Variants in ATP6V0A4 observed in about 807,000 individuals in gnomAD.
The protein encoded by ATP6V0A4 is V-type proton ATPase 116 kDa subunit a 4.
In ATP6V0A4, 86 loss-of-function variants were observed where a neutral mutation model predicts 107.3. That is an observed-to-expected ratio of 0.80 (90% CI 0.67 to 0.96). The LOEUF (loss-of-function observed/expected upper bound fraction) is 0.96, where lower values mean the gene tolerates loss of function less well. Ranked by LOEUF, ATP6V0A4 falls within the 40% of genes least tolerant of loss-of-function variation. The pLI is 0.00. For synonymous variants in ATP6V0A4, 353 were observed against 381.4 expected (o/e 0.93, Z 0.87); for missense variants, 908 against 1,045.6 (o/e 0.87, Z 1.81).
At position 138,745,245 on chromosome 7, in the gene ATP6V0A4, G is replaced by T; in HGVS notation, c.1356C>A (p.Ile452=). The T allele has an allele frequency of 2.5e-6, 4 of 1,608,192 alleles. No individual in the cohort carries two copies. Among genetic ancestry groups the T allele is most frequent in the Non-Finnish European group, 3.4e-6 (4 of 1,177,574 alleles). ...AGATGGAGAAGATGCCCATAAGTAG[G>T]ATCAGATAGCGCCCGTGGAAGAAGG... is the stretch of plus-strand genomic sequence containing the variant. ...WNTFFHGRYL[I]LLMGIFSIYT... Residue 452 remains isoleucine, a synonymous_variant, in exon 14 of 22, where the codon ATC becomes ATA. Transcript: ENST00000310018.
chr7:138,768,915 GT>G, intron 4 of ATP6V0A4, 41 bp from the exon 5 acceptor site: 1 of 1,612,104 alleles, frequency 6.2e-7, no homozygotes. Flanking sequence ...AGGTGATTGT[GT>G]TTTCTCATAA....
chr7:138,753,073 T>G (rs1041356454), intron 10 of ATP6V0A4, among the ~76,000 whole-genome samples: 4 of 152,230 alleles, frequency 2.6e-5, no homozygotes, highest in Admixed American at 2.6e-4. Context: ...ATTGTCCTAT[T>G]GTTATGGGTT....
chr7:138,732,396 A>G (rs1299059635), intron 17 of ATP6V0A4, among the ~76,000 whole-genome samples: 2 of 152,066 alleles, frequency 1.3e-5, no homozygotes, highest in Non-Finnish European at 2.9e-5. Context: ...CAGTGCTTGC[A>G]CCTTCATTTA....
intron 1 of ATP6V0A4, among the ~76,000 whole-genome samples, chr7:138,790,262 A>G (rs1391101427): frequency 6.6e-6 from 1 of 152,122 alleles, no homozygotes; most frequent in Non-Finnish European, 1.5e-5. Flanking sequence ...CCAAGTGATT[A>G]AATGGTACCC....
chr7:138,727,515 G>A (rs1279102793), intron 18 of ATP6V0A4, among the ~76,000 whole-genome samples: 2 of 152,088 alleles, frequency 1.3e-5, no homozygotes, highest in African/African-American at 2.4e-5. Context: ...GCTTTGGAAC[G>A]AGTTCGGACT....
At chr7:138,732,016 G>A (rs907696536) in intron 17 of ATP6V0A4, among the ~76,000 whole-genome samples, 1 of 152,122 alleles carries the variant, frequency 6.6e-6, no homozygotes, top group East Asian at 1.9e-4. Context: ...CTGTTGGGAT[G>A]AACTGTCTCT....
chr7:138,746,014 T>TATAAATATAAATAATATATATA (rs1167360830), intron 13 of ATP6V0A4, among the ~76,000 whole-genome samples: 1 of 133,876 alleles, frequency 7.5e-6, no homozygotes, highest in African/African-American at 2.8e-5. Context: ...ATATATATAT[T>TATAAATATAAATAATATATATA]TATAACATAA....
At chr7:138,787,307 G>T (rs2130211911) in intron 1 of ATP6V0A4, among the ~76,000 whole-genome samples, 1 of 152,134 alleles carries the variant, frequency 6.6e-6, no homozygotes, top group East Asian at 1.9e-4. Context: ...CCCCACAAAG[G>T]ATGGAAGGCA....
intron 2 of ATP6V0A4, among the ~76,000 whole-genome samples, chr7:138,776,110 G>A (rs1177461592): frequency 2.6e-5 from 4 of 152,120 alleles, no homozygotes. Context: ...ACCATGCCTG[G>A]CCAAGACTTG....
At chr7:138,744,521 A>C (rs1347928921) in intron 14 of ATP6V0A4, among the ~76,000 whole-genome samples, 6 of 150,398 alleles carry the variant, frequency 4.0e-5, no homozygotes, top group African/African-American at 1.5e-4. Context: ...TACAGGCGTA[A>C]GCCACCGTGC....
At chr7:138,740,173 T>C (rs1248592515) in intron 14 of ATP6V0A4, among the ~76,000 whole-genome samples, 2 of 150,928 alleles carry the variant, frequency 1.3e-5, no homozygotes, top group African/African-American at 4.9e-5. Flanking sequence ...AGATCAGGAT[T>C]TGTACCACAT....
In ATP6V0A4 at chr7:138,749,303, G is replaced by A. The variant is rs1806113018; in HGVS notation, c.1044C>T (p.Ser348=). ...CTGTGGTCATGATGGGGGCCATGGA[G>A]GAGCCACTTAGTTCCTGGAAAAAAA... ...ALEQGMELSG[S]SMAPIMTTVQ... is the part of the protein sequence containing the mutation. The change falls in exon 12 of 22, where the codon TCC becomes TCT. Residue 348 remains serine (S), a synonymous_variant. Transcript: ENST00000310018. The A allele has an allele frequency of 6.2e-7, 1 of 1,611,448 alleles. No homozygotes were observed. The highest frequency in any genetic ancestry group is 1.1e-5 in the South Asian group (1 of 90,942).
chr7:138,735,480 G>A (rs558439286), intron 15 of ATP6V0A4, among the ~76,000 whole-genome samples: 1 of 152,072 alleles, frequency 6.6e-6, no homozygotes, highest in Non-Finnish European at 1.5e-5. Context: ...CAATCATCTC[G>A]CTCCCTCCAT....
At chr7:138,752,943 C>T (rs530441654) in intron 10 of ATP6V0A4, 106 bp from the exon 11 acceptor site, 2 of 1,543,762 alleles carry the variant, frequency 1.3e-6, no homozygotes, top group Non-Finnish European at 1.7e-6. Context: ...TCTGCTCTGG[C>T]AGGCTCCTTT....
intron 20 of ATP6V0A4, among the ~76,000 whole-genome samples, chr7:138,710,192 A>ATTTT (rs56391137): frequency 0.33 from 44,363 of 134,708 alleles, 7,151 homozygotes; most frequent in African/African-American, 0.39. Context: ...CTGTCTGTTA[A>ATTTT]TTTTTTTTTT....
chr7:138,757,901 C>T lies in ATP6V0A4; in HGVS notation c.640-1361G>A, dbSNP rs768641546. On this transcript the variant is annotated intron_variant, in intron 8 of 21. Coordinates refer to ENST00000310018, the MANE Select transcript of ATP6V0A4 (RefSeq NM_020632.3). The stretch of plus-strand genomic sequence containing the variant: ...GAATCCTGTCTTTGGCATTTCCTTA[C>T]GGGAGCAAGTGGCGGTGTTTTAGGA... Among the ~76,000 whole-genome samples the T allele has an allele frequency of 6.6e-5, 10 of 152,146 alleles. No homozygotes were observed. In the East Asian group the frequency reaches 1.3e-3, roughly 20 times the overall value.
At chr7:138,764,675 G>A (rs554353222) in intron 5 of ATP6V0A4, among the ~76,000 whole-genome samples, 76 of 152,254 alleles carry the variant, frequency 5.0e-4, no homozygotes, top group African/African-American at 1.7e-3. Context: ...AATAATAACT[G>A]AAAAAGCCAG....
At chr7:138,726,724 G>A (rs936332326) in intron 18 of ATP6V0A4, among the ~76,000 whole-genome samples, 1 of 152,132 alleles carries the variant, frequency 6.6e-6, no homozygotes, top group African/African-American at 2.4e-5. Context: ...CTAAGCAGCC[G>A]CCTGAGGAAA....
intron 1 of ATP6V0A4, among the ~76,000 whole-genome samples, chr7:138,786,844 TATA>T (rs1427433297): frequency 6.6e-6 from 1 of 152,192 alleles, no homozygotes; most frequent in Non-Finnish European, 1.5e-5. Flanking sequence ...CTGCCTTTTC[TATA>T]ATAATATTTA....
Sources: allele counts gnomAD v4.1 joint callset (sites outside exome capture counted in the v4.1 genomes callset), GRCh38; gene constraint gnomAD v4.1.1; transcripts MANE v1.5; gene names NCBI Gene and HGNC (gene_info 2026-07-23, HGNC 2026-07-21).